The following COL6A2 variants were observed in gnomAD, a reference collection of about 807,000 sequenced individuals.
The protein encoded by COL6A2 is collagen alpha-2(VI) chain.
Under a neutral mutation model 124.9 loss-of-function variants are expected in COL6A2, and 90 were observed. The ratio of observed to expected loss-of-function variants is 0.72; its 90% confidence interval spans 0.61 to 0.86. The LOEUF is 0.86. Among genes scored for constraint, COL6A2 ranks in the 40% least tolerant of loss-of-function variants. The pLI is 0.00. For synonymous variants in COL6A2, 793 were observed against 618.2 expected (o/e 1.28, Z -4.19); for missense variants, 1,607 against 1,502.5 (o/e 1.07, Z -1.15).
At chr21:46,122,752 C>CATAG (rs2078586579) in intron 20 of COL6A2, 123 bp from the exon 21 acceptor site, 7 of 1,102,998 alleles carry the variant, frequency 6.3e-6, no homozygotes, top group Non-Finnish European at 9.5e-6. Flanking sequence ...AAAAAAACCA[C>CATAG]ATAGATGCTC....
Position 46,117,909 on chromosome 21 carries a change from A to G in COL6A2, c.1089A>G (p.Pro363=), listed in dbSNP as rs2078500152. 1 of 1,612,728 alleles carries G rather than the reference A, an allele frequency of 6.2e-7. No homozygotes were observed. The highest frequency in any genetic ancestry group is 1.3e-5 in the African/African-American group (1 of 74,888). The change falls in exon 12 of 28, where the codon CCA becomes CCG. Residue 363 remains proline, a synonymous_variant. Transcript: ENST00000300527. ...PDGYPGEAGS[P]GERGDQGGKG... is the part of the protein sequence containing the mutation. ...GTTACCCGGGGGAAGCAGGGAGTCCAGGGGAGCGAGGAGACCAAGGCGGCA... is the reference window on the plus strand; with the variant it reads ...GTTACCCGGGGGAAGCAGGGAGTCCGGGGGAGCGAGGAGACCAAGGCGGCA...
intron 4 of COL6A2, chr21:46,113,025 G>T: frequency 1.5e-6 from 1 of 678,002 alleles, no homozygotes; most frequent in Non-Finnish European, 2.6e-6. Flanking sequence ...TCCCGTGAGG[G>T]TCAGCGTTAG....
Position 46,132,065 on chromosome 21 carries a change from A to AGGTGGCGCGGCGGCTGAC in COL6A2, c.2575_2592dup (p.Val859_Thr864dup). The AGGTGGCGCGGCGGCTGAC allele has an allele frequency of 6.2e-7, 1 of 1,605,720 alleles. No homozygotes were observed. The highest frequency in any genetic ancestry group is 8.5e-7 in the Non-Finnish European group (1 of 1,178,296). On this transcript the variant is annotated inframe_insertion, in exon 28 of 28. Transcript: ENST00000300527. ...CACAAGGCCCGGCGCTTCGTGGAGC[A>AGGTGGCGCGGCGGCTGAC]GGTGGCGCGGCGGCTGACGCTGGCC...
rs772894756 is a variant in COL6A2 at position 46,132,265 on chromosome 21, A to G, written c.2773A>G (p.Ile925Val). Residue 925 changes from isoleucine (I) to valine (V), a missense_variant, in exon 28 of 28, where the codon ATC (isoleucine) becomes GTC (valine). Ile to Val is a conservative substitution (Grantham distance 29). This residue lies in a region of COL6A2 where 1,223 missense variants were observed against 1,052.2 expected (regional missense o/e 1.16). Coordinates refer to ENST00000300527, the MANE Select transcript of COL6A2 (RefSeq NM_001849.4). ...SHVGAGVVHA[I>V]NAIVRSPRGG... ...CGTGGGCGCAGGCGTGGTGCACGCC[A>G]TCAATGCCATCGTGCGCAGCCCGCG... The G allele has an allele frequency of 6.2e-7, 1 of 1,606,456 alleles. No individual in the cohort carries two copies. Among genetic ancestry groups the G allele is most frequent in the African/African-American group, 1.3e-5 (1 of 74,836 alleles).
At position 46,121,041 on chromosome 21, in the gene COL6A2, A is replaced by C. The variant is rs1398193069; in HGVS notation, c.1396-20A>C. The C allele has an allele frequency of 3.1e-6, 5 of 1,612,164 alleles. No individual in the cohort carries two copies. The highest frequency in any genetic ancestry group is 4.2e-6 in the Non-Finnish European group (5 of 1,179,472). ...CTGCTGTCAGTCAAGAGAACCCCAA[A>C]TTCCTCCCCTTTCTTCCAGGGAGAC... is the stretch of plus-strand genomic sequence containing the variant. On this transcript the variant is annotated intron_variant, in intron 16 of 27. Coordinates refer to ENST00000300527, the MANE Select transcript of COL6A2 (RefSeq NM_001849.4).
chr21:46,103,413 C>T (rs897016713), intron 1 of COL6A2, among the ~76,000 whole-genome samples: 4 of 152,006 alleles, frequency 2.6e-5, no homozygotes, highest in East Asian at 1.9e-4. Flanking sequence ...GTCTGTTCTC[C>T]ATTTTGTTTA....
At chr21:46,129,223 C>G (rs369164026) in intron 27 of COL6A2, 1 of 1,612,934 alleles carries the variant, frequency 6.2e-7, no homozygotes, top group Non-Finnish European at 8.5e-7. Context: ...GGCGAGCCCC[C>G]GGTCACCTTC....
At chr21:46,115,956 C>T in intron 6 of COL6A2, 31 bp downstream of exon 6, 1 of 1,612,702 alleles carries the variant, frequency 6.2e-7, no homozygotes, top group Non-Finnish European at 8.5e-7. Context: ...CCCGCCCCGC[C>T]TGCAGCCCAG....
intron 27 of COL6A2, chr21:46,129,215 C>T (rs537764742): frequency 3.1e-5 from 50 of 1,612,894 alleles, no homozygotes; most frequent in African/African-American, 2.0e-4. Context: ...GGCCTGGCGG[C>T]GAGCCCCCGG....
chr21:46,122,816 T>C (rs2078587548), intron 20 of COL6A2, 59 bp from the exon 21 acceptor site: 1 of 1,505,656 alleles, frequency 6.6e-7, no homozygotes, highest in East Asian at 2.2e-5. Context: ...AAAATCTCAC[T>C]GGTGTCCCTG....
chr21:46,126,038 C>A lies in COL6A2; in HGVS notation c.2223C>A (p.Asp741Glu), dbSNP rs1004285314. The stretch of plus-strand genomic sequence containing the variant: ...GGCGCCACGACCCTCGGGACGATGA[C>A]CTCAACTTGCGGGCGCTGTGCGACC... ...TDGRHDPRDD[D>E]LNLRALCDRD... The change falls in exon 26 of 28, where the codon GAC becomes GAA. Residue 741 changes from aspartate (D) to glutamate (E), a missense_variant. Transcript: ENST00000300527. The A allele has an allele frequency of 6.2e-7, 1 of 1,613,110 alleles. No homozygotes were observed. The highest frequency in any genetic ancestry group is 1.3e-5 in the African/African-American group (1 of 75,056).
At chr21:46,126,441 GGCC>G in intron 26 of COL6A2, 59 bp from the exon 27 acceptor site, 1 of 1,603,488 alleles carries the variant, frequency 6.2e-7, no homozygotes, top group Non-Finnish European at 8.5e-7. Flanking sequence ...ATCAGTGAAC[GGCC>G]GCTGAGGGTT....
chr21:46,121,627 C>G lies in COL6A2; in HGVS notation c.1521+9C>G. The G allele has an allele frequency of 2.5e-6, 4 of 1,612,620 alleles. No individual in the cohort carries two copies. In the South Asian group the frequency reaches 4.4e-5, roughly 18 times the overall value. ...GACAGCCAGGCCCCAAGGTACGTGC[C>G]CCTCCCCCAGCAGGACGTATTAGGG... On this transcript the variant is annotated intron_variant, in intron 18 of 27. Transcript: ENST00000300527.
chr21:46,112,703 C>T lies in COL6A2; in HGVS notation c.715-101C>T, dbSNP rs969048819. ...CGAAGGAGGAAGCTCCGGGCAGGGC[C>T]TGGGCCACTCAGGTGTCCCTCCATC... On this transcript the variant is annotated intron_variant, in intron 3 of 27. Transcript: ENST00000300527. 3.1e-6 allele frequency: 5 copies of T among 1,597,412 alleles called. No homozygotes were observed. In the African/African-American group the frequency reaches 4.0e-5, roughly 13 times the overall value.
chr21:46,105,740 G>A (rs1022763066), intron 1 of COL6A2, among the ~76,000 whole-genome samples: 1 of 152,220 alleles, frequency 6.6e-6, no homozygotes, highest in East Asian at 1.9e-4. Context: ...AAAAGGGAAT[G>A]AGGAAGGGAT....
At position 46,111,538 on chromosome 21, in the gene COL6A2, A is replaced by C; in HGVS notation, c.62A>C (p.Gln21Pro). 1.2e-6 allele frequency: 2 copies of C among 1,612,968 alleles called. No homozygotes were observed. Among genetic ancestry groups the C allele is most frequent in the South Asian group, 2.2e-5 (2 of 91,080 alleles). The change falls in exon 2 of 28, where the codon CAG (glutamine) becomes CCG (proline). Residue 21 changes from glutamine (Q) to proline (P), a missense_variant. Physicochemically the swap from Gln to Pro is moderately conservative, Grantham distance 76. This residue lies in a region of COL6A2 where 342 missense variants were observed against 381.5 expected (regional missense o/e 0.90). Transcript: ENST00000300527. ...LWGILGAIQAQQQEVISPDTT... is the reference protein window; with the variant it reads ...LWGILGAIQAPQQEVISPDTT... Reference sequence around the variant, plus strand: ...GGAATCCTGGGGGCCATCCAGGCCCAGCAGCAGGAGGTCATCTCGCCGGAC... The same window carrying C: ...GGAATCCTGGGGGCCATCCAGGCCCCGCAGCAGGAGGTCATCTCGCCGGAC...
At chr21:46,107,350 T>C (rs1365580160) in intron 1 of COL6A2, among the ~76,000 whole-genome samples, 2 of 152,208 alleles carry the variant, frequency 1.3e-5, no homozygotes, top group East Asian at 3.8e-4. Context: ...TCTAACCCTA[T>C]ATGCTGTGAC....
In COL6A2 at chr21:46,112,590, C is replaced by A; in HGVS notation, c.714+13C>A. 4.3e-6 allele frequency: 7 copies of A among 1,611,206 alleles called. No individual in the cohort carries two copies. Among genetic ancestry groups the A allele is most frequent in the Admixed American group, 1.7e-5 (1 of 59,994 alleles). ...CATCAAGGTCATGGTGAGCCGCGGG[C>A]GGGAGCACCGTCCACGCGCCAGGGG... On this transcript the variant is annotated intron_variant, in intron 3 of 27. Coordinates refer to ENST00000300527, the MANE Select transcript of COL6A2 (RefSeq NM_001849.4).
chr21:46,116,492 C>T lies in COL6A2; in HGVS notation c.927+89C>T. On this transcript the variant is annotated intron_variant, in intron 8 of 27. Coordinates refer to ENST00000300527, the MANE Select transcript of COL6A2 (RefSeq NM_001849.4). The surrounding 1 kb of genome is among the most constrained non-coding windows in gnomAD (Gnocchi z 4.6). ...CGTCCGCCGCAGCCTGTCACTGCTCCTGGGGCACCGGCCTGGTCTTTTCTC... is the reference window on the plus strand; with the variant it reads ...CGTCCGCCGCAGCCTGTCACTGCTCTTGGGGCACCGGCCTGGTCTTTTCTC... 6.3e-7 allele frequency: 1 copy of T among 1,588,312 alleles called. No homozygotes were observed. Among genetic ancestry groups the T allele is most frequent in the Non-Finnish European group, 8.6e-7 (1 of 1,160,452 alleles).
Sources: allele counts gnomAD v4.1 joint callset (sites outside exome capture counted in the v4.1 genomes callset), GRCh38; gene constraint gnomAD v4.1.1; regional missense constraint gnomAD v4.1.1; non-coding constraint Gnocchi (gnomAD v3.1); transcripts MANE v1.5; gene names NCBI Gene and HGNC (gene_info 2026-07-23, HGNC 2026-07-21).